TRHDE: variants seen among roughly 807,000 people sequenced by gnomAD.
TRHDE encodes the protein thyrotropin-releasing hormone-degrading ectoenzyme.
Under a neutral mutation model 125.7 loss-of-function variants are expected in TRHDE, and 72 were observed. The ratio of observed to expected loss-of-function variants is 0.57; its 90% CI spans 0.47 to 0.70. The LOEUF (loss-of-function observed/expected upper bound fraction) is 0.70, where lower values mean the gene tolerates loss of function less well. Ranked by LOEUF, TRHDE falls within the 30% of genes least tolerant of loss-of-function variation. The probability of loss-of-function intolerance (pLI) is 0.00; values close to 1 mark genes in which losing one functional copy is unlikely to be tolerated. For synonymous variants in TRHDE, 509 were observed against 509.1 expected (o/e 1.00, Z 0.00); for missense variants, 1,110 against 1,327.1 (o/e 0.84, Z 2.54).
intron 5 of TRHDE, among the ~76,000 whole-genome samples, chr12:72,474,249 C>T (rs997300615): frequency 3.3e-5 from 5 of 152,066 alleles, no homozygotes; most frequent in Admixed American, 2.6e-4. Flanking sequence ...AATTTTCTAC[C>T]TATCTTCTTT....
chr12:72,651,774 A>G (rs2136109590), intron 15 of TRHDE, among the ~76,000 whole-genome samples: 1 of 152,166 alleles, frequency 6.6e-6, no homozygotes, highest in South Asian at 2.1e-4. Flanking sequence ...GGAAAAAATA[A>G]CTTTCTACTT....
intron 2 of TRHDE, among the ~76,000 whole-genome samples, chr12:72,236,855 A>C (rs536093006): frequency 6.6e-6 from 1 of 152,320 alleles, no homozygotes; most frequent in East Asian, 1.9e-4. Context: ...AGGAGAATAC[A>C]TGCTTTAATT....
chr12:72,620,429 G>A (rs1366256235), intron 13 of TRHDE, among the ~76,000 whole-genome samples: 1 of 151,700 alleles, frequency 6.6e-6, no homozygotes, highest in Non-Finnish European at 1.5e-5. Context: ...AGGCTGAGGT[G>A]GGAGGATGGC....
intron 1 of TRHDE, among the ~76,000 whole-genome samples, chr12:72,277,217 T>C (rs1879519851): frequency 6.6e-6 from 1 of 152,120 alleles, no homozygotes; most frequent in African/African-American, 2.4e-5. Context: ...TAGTGGTAGT[T>C]CTCAAAGAGA....
At position 72,092,900 on chromosome 12, in the gene TRHDE, C is replaced by T. The variant is rs1177322572; in HGVS notation, n.174+5461C>T. 3.3e-5 allele frequency among the ~76,000 whole-genome samples: 5 copies of T among 152,178 alleles called. No homozygotes were observed. In the East Asian group the frequency reaches 9.7e-4, roughly 29 times the overall value. On this transcript the variant is annotated intron_variant and non_coding_transcript_variant, in intron 1 of 4. Coordinates refer to the TRHDE transcript ENST00000548156. ...AACTTCTTTAGCACACTCCTCTCCT[C>T]TACCATGGAAACTCACCATCTTAGC...
At chr12:72,475,642 A>T (rs1464588795) in intron 5 of TRHDE, among the ~76,000 whole-genome samples, 1 of 152,216 alleles carries the variant, frequency 6.6e-6, no homozygotes, top group Non-Finnish European at 1.5e-5. Context: ...AAATGAACAC[A>T]GAGTGTAAAT....
chr12:72,183,525 C>A (rs75673190), intron 2 of TRHDE, among the ~76,000 whole-genome samples: 2,758 of 152,204 alleles, frequency 0.018, 211 homozygotes, highest in Admixed American at 0.13. Flanking sequence ...CAAGTACAGA[C>A]AAAAAGATCA....
chr12:72,121,990 T>G (rs916563862), intron 2 of TRHDE, among the ~76,000 whole-genome samples: 2 of 152,136 alleles, frequency 1.3e-5, no homozygotes, highest in African/African-American at 4.8e-5. Flanking sequence ...TCTACCCTCC[T>G]TCAGCTTTTC....
chr12:72,610,507 C>T (rs191849100), intron 12 of TRHDE, among the ~76,000 whole-genome samples: 1 of 152,304 alleles, frequency 6.6e-6, no homozygotes, highest in Non-Finnish European at 1.5e-5. Context: ...CGTGTCATTT[C>T]CCAGCTCAAA....
intron 12 of TRHDE, among the ~76,000 whole-genome samples, chr12:72,604,202 G>A (rs1040593675): frequency 6.6e-6 from 1 of 152,126 alleles, no homozygotes; most frequent in Admixed American, 6.5e-5. Flanking sequence ...CAGAGACTCA[G>A]AAGAGACAGA....
At chr12:72,634,059 A>G (rs1873612379) in intron 15 of TRHDE, among the ~76,000 whole-genome samples, 1 of 152,104 alleles carries the variant, frequency 6.6e-6, no homozygotes, top group South Asian at 2.1e-4. Flanking sequence ...GCCCCTGCCA[A>G]ACCCTTTATA....
At position 72,273,273 on chromosome 12, in the gene TRHDE, G is replaced by A. The variant is rs1879329841; in HGVS notation, c.630G>A (p.Gly210=). The A allele has an allele frequency of 1.2e-6, 2 of 1,613,996 alleles. No individual in the cohort carries two copies. The highest frequency in any genetic ancestry group is 1.7e-5 in the Admixed American group (1 of 60,002). ...TCATGGAGAACTTCACCTTCTCCGGGGAGGTCAACGTGGAGATCGCGTGCC... is the reference window on the plus strand; with the variant it reads ...TCATGGAGAACTTCACCTTCTCCGGAGAGGTCAACGTGGAGATCGCGTGCC... ...TAFMENFTFS[G]EVNVEIACRN... Residue 210 remains glycine, a synonymous_variant, in exon 1 of 19, where the codon GGG becomes GGA. Coordinates refer to ENST00000261180, the MANE Select transcript of TRHDE (RefSeq NM_013381.3). This position sits in a 1 kb window ranked among gnomAD's most constrained non-coding sequence, Gnocchi z 5.3.
chr12:72,258,579 A>G (rs1878871216), intron 2 of TRHDE, among the ~76,000 whole-genome samples: 1 of 152,146 alleles, frequency 6.6e-6, no homozygotes, highest in Non-Finnish European at 1.5e-5. Flanking sequence ...ACATGAATGA[A>G]TTTAATAAAT....
chr12:72,298,606 G>A (rs1361685964), intron 2 of TRHDE, among the ~76,000 whole-genome samples: 2 of 152,160 alleles, frequency 1.3e-5, no homozygotes, highest in African/African-American at 4.8e-5. Flanking sequence ...AGGAGTGAAA[G>A]ATGAGGTTGG....
chr12:72,249,512 A>G (rs531916025), intron 2 of TRHDE, among the ~76,000 whole-genome samples: 148 of 152,232 alleles, frequency 9.7e-4, no homozygotes, highest in Non-Finnish European at 1.8e-3. Flanking sequence ...TATAGTGAGA[A>G]CTCTCAAAAA....
At chr12:72,551,572 C>G (rs952802879) in intron 7 of TRHDE, among the ~76,000 whole-genome samples, 1 of 152,052 alleles carries the variant, frequency 6.6e-6, no homozygotes, top group African/African-American at 2.4e-5. Context: ...AGTTCACATA[C>G]CCCACCATTT....
At chr12:72,624,077 C>G (rs1225203980) in intron 15 of TRHDE, among the ~76,000 whole-genome samples, 8 of 151,972 alleles carry the variant, frequency 5.3e-5, no homozygotes, top group Non-Finnish European at 1.2e-4. Flanking sequence ...GCCCAGCAAA[C>G]ACAAGTCACC....
chr12:72,347,944 G>A lies in TRHDE; in HGVS notation c.1189-30051G>A, dbSNP rs904944558. ...TTACAGAAGGGTGTGAATACCAGTA[G>A]GCAGGGGGACATCACTGGGGGCCCG... On this transcript the variant is annotated intron_variant, in intron 2 of 18. Transcript: ENST00000261180. Among the ~76,000 whole-genome samples, 9 of 152,102 alleles carry A rather than the reference G, an allele frequency of 5.9e-5. No homozygotes were observed. The East Asian group carries it at 1.7e-3, about 30-fold the overall frequency.
chr12:72,478,288 T>C (rs1565757989), intron 5 of TRHDE, among the ~76,000 whole-genome samples: 1 of 152,186 alleles, frequency 6.6e-6, no homozygotes, highest in African/African-American at 2.4e-5. Flanking sequence ...GACATTTACA[T>C]TGAGAGACCA....
Sources: allele counts gnomAD v4.1 joint callset (sites outside exome capture counted in the v4.1 genomes callset), GRCh38; gene constraint gnomAD v4.1.1; non-coding constraint Gnocchi (gnomAD v3.1); transcripts MANE v1.5; gene names NCBI Gene and HGNC (gene_info 2026-07-23, HGNC 2026-07-21).